CFAP299: variants seen among roughly 807,000 people sequenced by gnomAD.
The protein encoded by CFAP299 is cilia and flagella associated protein 299, also known as cilia- and flagella-associated protein 299.
A neutral mutation model predicts 27.0 loss-of-function variants in CFAP299; 21 were observed. The ratio of observed to expected loss-of-function variants is 0.78; its 90% CI spans 0.55 to 1.12. The LOEUF (loss-of-function observed/expected upper bound fraction) is 1.12, where lower values mean the gene tolerates loss of function less well. Among genes scored for constraint, CFAP299 ranks in the 50% most tolerant of loss-of-function variants. The pLI, the probability that CFAP299 is intolerant of heterozygous loss-of-function variation, is 0.00. For synonymous variants in CFAP299, 104 were observed against 98.1 expected (o/e 1.06, Z -0.36); for missense variants, 310 against 276.6 (o/e 1.12, Z -0.86).
chr4:80,709,959 G>A (rs940276346), intron 3 of CFAP299, among the ~76,000 whole-genome samples: 2 of 152,152 alleles, frequency 1.3e-5, no homozygotes, highest in African/African-American at 4.8e-5. Flanking sequence ...TCTAGAGTAA[G>A]TTCTAAGTCT....
chr4:80,767,514 C>T (rs1725947805), intron 3 of CFAP299, among the ~76,000 whole-genome samples: 1 of 152,154 alleles, frequency 6.6e-6, no homozygotes, highest in Non-Finnish European at 1.5e-5. Context: ...GAGGCTGAGG[C>T]AGGAGAATGG....
rs1741247827 is a variant in CFAP299, at chr4:80,668,300, T to G, written c.333+85117T>G. Among the ~76,000 whole-genome samples, 2 of 152,264 alleles carry G rather than the reference T, an allele frequency of 1.3e-5. 1 individual carries two copies. Among genetic ancestry groups the G allele is most frequent in the South Asian group, 4.1e-4 (2 of 4,828 alleles). Reference sequence around the variant, plus strand: ...ATGTTTTCCCGCTGTGCAGAAGCTTTTTAGTTTGATATAATCCTGTTTGTC... The same window carrying G: ...ATGTTTTCCCGCTGTGCAGAAGCTTGTTAGTTTGATATAATCCTGTTTGTC... On this transcript the variant is annotated intron_variant, in intron 3 of 5. Coordinates refer to ENST00000358105, the MANE Select transcript of CFAP299 (RefSeq NM_152770.3).
At chr4:80,497,225 G>A (rs76233029) in intron 2 of CFAP299, among the ~76,000 whole-genome samples, 4,884 of 152,124 alleles carry the variant, frequency 0.032, 148 homozygotes, top group South Asian at 0.095. Context: ...AGCTATGATC[G>A]CACCACTGCA....
In CFAP299 at chr4:80,365,066, G is replaced by A. The variant is rs149710499; in HGVS notation, c.242+2182G>A. On this transcript the variant is annotated intron_variant, in intron 2 of 5. Transcript: ENST00000358105. ...TTGTGAACAGTGCTGCAATGAACATGTACATGCATGTATCTTTATAATAGA... is the reference window on the plus strand; with the variant it reads ...TTGTGAACAGTGCTGCAATGAACATATACATGCATGTATCTTTATAATAGA... 6.2e-3 allele frequency among the ~76,000 whole-genome samples: 948 copies of A among 152,216 alleles called. 2 individuals are homozygous for A. Among genetic ancestry groups the A allele is most frequent in the Middle Eastern group, 0.024 (7 of 294 alleles).
At chr4:80,389,587 A>G (rs1725217060) in intron 2 of CFAP299, among the ~76,000 whole-genome samples, 1 of 152,174 alleles carries the variant, frequency 6.6e-6, no homozygotes, top group Non-Finnish European at 1.5e-5. Flanking sequence ...TCAGGTCAAG[A>G]TACTTTAGCC....
chr4:80,480,886 T>C (rs1247714868), intron 2 of CFAP299, among the ~76,000 whole-genome samples: 1 of 152,076 alleles, frequency 6.6e-6, no homozygotes, highest in Non-Finnish European at 1.5e-5. Flanking sequence ...TCTGTATTAA[T>C]TTAGCTCATA....
At chr4:80,924,406 C>G (rs1038807291) in intron 4 of CFAP299, among the ~76,000 whole-genome samples, 2 of 151,338 alleles carry the variant, frequency 1.3e-5, no homozygotes. Context: ...TGTGGCAGAC[C>G]AAGTTGAAGT....
At chr4:80,696,176 G>A (rs915786108) in intron 3 of CFAP299, among the ~76,000 whole-genome samples, 2 of 151,408 alleles carry the variant, frequency 1.3e-5, no homozygotes, top group Admixed American at 6.6e-5. Flanking sequence ...TGGCACGCAC[G>A]TGTAATTCCA....
intron 4 of CFAP299, among the ~76,000 whole-genome samples, chr4:80,941,702 C>T (rs1737205098): frequency 6.6e-6 from 1 of 152,130 alleles, no homozygotes; most frequent in African/African-American, 2.4e-5. Flanking sequence ...TTAATTGGCT[C>T]ATGGTTCTGC....
Position 80,509,677 on chromosome 4 carries a change from A to G in CFAP299, c.243-73416A>G, listed in dbSNP as rs1032571041. 5.9e-5 allele frequency among the ~76,000 whole-genome samples: 9 copies of G among 152,180 alleles called. No individual in the cohort carries two copies. In the South Asian group the frequency reaches 6.2e-4, roughly 10 times the overall value. ...TATTCATTAGGGAAATATAATTATTATTTCTTCACACAGAATTGACTATTA... is the reference window on the plus strand; with the variant it reads ...TATTCATTAGGGAAATATAATTATTGTTTCTTCACACAGAATTGACTATTA... On this transcript the variant is annotated intron_variant, in intron 2 of 5. Transcript: ENST00000358105.
chr4:80,518,049 G>A (rs7697923), intron 2 of CFAP299, among the ~76,000 whole-genome samples: 6,717 of 152,176 alleles, frequency 0.044, 506 homozygotes, highest in African/African-American at 0.15. Flanking sequence ...AGTTTTAGGT[G>A]ATGACAAGGT....
chr4:80,400,155 T>C (rs1283942233), intron 2 of CFAP299, among the ~76,000 whole-genome samples: 3 of 152,330 alleles, frequency 2.0e-5, no homozygotes, highest in Non-Finnish European at 2.9e-5. Flanking sequence ...AAAGTTTCAT[T>C]GAAGTGAATA....
chr4:80,770,661 C>G (rs933247049), intron 3 of CFAP299, among the ~76,000 whole-genome samples: 3 of 152,088 alleles, frequency 2.0e-5, no homozygotes, highest in African/African-American at 7.2e-5. Flanking sequence ...TTTACTTTGT[C>G]TTTCCTTTAA....
intron 3 of CFAP299, among the ~76,000 whole-genome samples, chr4:80,621,020 T>TA (rs1054114436): frequency 1.3e-5 from 2 of 152,116 alleles, no homozygotes; most frequent in Non-Finnish European, 2.9e-5. Flanking sequence ...TCTTTTTTTT[T>TA]ATCATTAACC....
At chr4:80,665,761 G>T (rs1741115031) in intron 3 of CFAP299, among the ~76,000 whole-genome samples, 1 of 152,156 alleles carries the variant, frequency 6.6e-6, no homozygotes, top group African/African-American at 2.4e-5. Flanking sequence ...AGGGTGAAGT[G>T]ATTAGATTGT....
At chr4:80,442,342 T>A (rs1231740354) in intron 2 of CFAP299, among the ~76,000 whole-genome samples, 1 of 152,110 alleles carries the variant, frequency 6.6e-6, no homozygotes. Flanking sequence ...AGAATGGAAA[T>A]CATGACAAAC....
intron 2 of CFAP299, among the ~76,000 whole-genome samples, chr4:80,527,510 T>C (rs1386903785): frequency 6.6e-6 from 1 of 152,108 alleles, no homozygotes; most frequent in African/African-American, 2.4e-5. Flanking sequence ...TCCTAATAAC[T>C]TTCTGTTGTT....
chr4:80,816,583 C>T (rs1034019396), intron 3 of CFAP299, among the ~76,000 whole-genome samples: 7 of 152,014 alleles, frequency 4.6e-5, no homozygotes, highest in Admixed American at 1.3e-4. Flanking sequence ...GAGTTTGGTT[C>T]GCATATCACT....
intron 2 of CFAP299, among the ~76,000 whole-genome samples, chr4:80,544,388 C>G (rs1487541426): frequency 6.6e-6 from 1 of 151,998 alleles, no homozygotes; most frequent in African/African-American, 2.4e-5. Context: ...GGAACACAAA[C>G]AGGCCAAATG....
Sources: allele counts gnomAD v4.1 joint callset (sites outside exome capture counted in the v4.1 genomes callset), GRCh38; gene constraint gnomAD v4.1.1; transcripts MANE v1.5; gene names NCBI Gene and HGNC (gene_info 2026-07-23, HGNC 2026-07-21).